HHLA1: variants seen among roughly 807,000 people sequenced by gnomAD.
HHLA1 encodes HERV-H LTR-associating protein 1.
HHLA1 carries 72 observed loss-of-function variants against 69.9 expected under a neutral mutation model. That is an observed-to-expected ratio of 1.03 (90% CI 0.85 to 1.25). The LOEUF (loss-of-function observed/expected upper bound fraction) is 1.25. Ranked by LOEUF, HHLA1 falls within the 50% of genes most tolerant of loss-of-function variation. The pLI, the probability that HHLA1 is intolerant of heterozygous loss-of-function variation, is 0.00. For synonymous variants in HHLA1, 252 were observed against 233.2 expected (o/e 1.08, Z -0.73); for missense variants, 685 against 642.2 (o/e 1.07, Z -0.72).
At position 132,097,184 on chromosome 8, in the gene HHLA1, C is replaced by T. The variant is rs569106038; in HGVS notation, c.281-1398G>A. ...CTCCTTAGAAGAATGGGGTATACAC[C>T]AAAATGTGAATACTCCAGTACTCAG... On this transcript the variant is annotated intron_variant, in intron 5 of 16. Transcript: ENST00000414222. 2.0e-5 allele frequency among the ~76,000 whole-genome samples: 3 copies of T among 152,190 alleles called. No individual in the cohort carries two copies. The South Asian group carries it at 6.2e-4, about 32-fold the overall frequency.
intron 1 of HHLA1, among the ~76,000 whole-genome samples, chr8:132,106,273 C>T (rs935679188): frequency 6.6e-6 from 1 of 152,210 alleles, no homozygotes; most frequent in African/African-American, 2.4e-5. Context: ...AGGGAACATC[C>T]TCAGGGCAAA....
At chr8:132,090,436 T>C (rs747089944) in intron 7 of HHLA1, among the ~76,000 whole-genome samples, 6 of 152,244 alleles carry the variant, frequency 3.9e-5, no homozygotes, top group Non-Finnish European at 8.8e-5. Context: ...GTGGATGATT[T>C]CCCATCATGC....
At chr8:132,074,610 T>C (rs1416685348) in intron 14 of HHLA1, among the ~76,000 whole-genome samples, 1 of 152,188 alleles carries the variant, frequency 6.6e-6, no homozygotes, top group African/African-American at 2.4e-5. Context: ...TGATTTTTTT[T>C]TTGGATGAGC....
chr8:132,095,831 C>G (rs926748506), intron 5 of HHLA1, 45 bp from the exon 6 acceptor site: 5 of 1,203,362 alleles, frequency 4.2e-6, no homozygotes. Flanking sequence ...TGCCTACTAA[C>G]GTAACAATAA....
intron 4 of HHLA1, among the ~76,000 whole-genome samples, 181 bp from the exon 5 acceptor site, chr8:132,099,143 C>G (rs1014019768): frequency 2.6e-5 from 4 of 152,172 alleles, no homozygotes; most frequent in African/African-American, 9.7e-5. Context: ...CAGGAGGTAA[C>G]AGTCAACAAA....
intron 14 of HHLA1, 34 bp from the exon 15 acceptor site, chr8:132,071,527 T>G (rs536781039): frequency 1.3e-6 from 2 of 1,546,814 alleles, no homozygotes; most frequent in Admixed American, 3.9e-5. Context: ...ATTAAATCAG[T>G]AAGAGTTTAG....
intron 1 of HHLA1, among the ~76,000 whole-genome samples, chr8:132,109,756 T>G (rs564164792): frequency 1.3e-5 from 2 of 152,244 alleles, no homozygotes; most frequent in East Asian, 3.9e-4. Context: ...CAGTGTTCTG[T>G]TTTACTCACC....
chr8:132,104,750 G>A (rs537944245), intron 2 of HHLA1, among the ~76,000 whole-genome samples: 2 of 152,242 alleles, frequency 1.3e-5, no homozygotes, highest in Non-Finnish European at 2.9e-5. Flanking sequence ...AGCCTGAAAA[G>A]GACCTGGTAC....
At chr8:132,101,268 C>G (rs1337823891) in intron 3 of HHLA1, 1 of 1,549,932 alleles carries the variant, frequency 6.5e-7, no homozygotes, top group East Asian at 2.4e-5. Flanking sequence ...TCTTTATTTC[C>G]AGACACTGAA....
At chr8:132,072,641 G>A (rs1823566352) in intron 14 of HHLA1, among the ~76,000 whole-genome samples, 1 of 151,938 alleles carries the variant, frequency 6.6e-6, no homozygotes, top group South Asian at 2.1e-4. Flanking sequence ...TCTAAAACCT[G>A]GAAATAAACA....
Position 132,079,957 on chromosome 8 carries a change from G to T in HHLA1, c.686C>A (p.Thr229Asn). The T allele has an allele frequency of 6.4e-7, 1 of 1,552,310 alleles. No homozygotes were observed. Among genetic ancestry groups the T allele is most frequent in the Non-Finnish European group, 8.7e-7 (1 of 1,147,112 alleles). ...CTTTGAAGTCCTGGCAGTTCCCCTG[G>T]TAGCTGCACCTTCAGGGAGGCAGTC... ...SGLSGVLGAA[T>N]RGTARTSKPT... is the part of the protein sequence containing the mutation. Residue 229 changes from threonine to asparagine, a missense_variant, in exon 11 of 17, where the codon ACC (threonine) becomes AAC (asparagine). By Grantham distance (65) the Thr-to-Asn change is moderately conservative. Transcript: ENST00000414222.
At position 132,077,791 on chromosome 8, in the gene HHLA1, A is replaced by G. The variant is rs1045649481; in HGVS notation, c.1106T>C (p.Leu369Pro). Reference protein sequence around the residue: ...GTEEAMNTTSLLAPAAEIMAT... With the variant: ...GTEEAMNTTSPLAPAAEIMAT... ...CATTATCTCAGCAGCAGGCGCCAAAAGGCTTGTAGTGTTCATGGCTTCCTC... is the reference window on the plus strand; with the variant it reads ...CATTATCTCAGCAGCAGGCGCCAAAGGGCTTGTAGTGTTCATGGCTTCCTC... Residue 369 changes from leucine to proline, a missense_variant, in exon 12 of 17, where the codon CTT (leucine) becomes CCT (proline). Transcript: ENST00000414222. 3.7e-5 allele frequency: 58 copies of G among 1,551,522 alleles called. No homozygotes were observed. The highest frequency in any genetic ancestry group is 4.7e-5 in the Non-Finnish European group (54 of 1,146,984).
chr8:132,088,655 A>G (rs1225465574), intron 8 of HHLA1, among the ~76,000 whole-genome samples: 2 of 152,176 alleles, frequency 1.3e-5, no homozygotes, highest in Admixed American at 1.3e-4. Flanking sequence ...AGTAATCATT[A>G]TTGTTATTAT....
Position 132,076,528 on chromosome 8 carries a change from C to T in HHLA1, c.1187G>A (p.Gly396Asp), listed in dbSNP as rs867907614. 4 of 1,507,988 alleles carry T rather than the reference C, an allele frequency of 2.7e-6. No individual in the cohort carries two copies. In the African/African-American group the frequency reaches 5.6e-5, roughly 21 times the overall value. The allele number at this position is 1,507,988 out of a possible 1,614,324, so 93.4% of individuals were successfully genotyped here. A position where few individuals can be genotyped will look rare whatever the true frequency, so the allele number is the denominator to read the frequency against. Residue 396 changes from glycine to aspartate, a missense_variant, in exon 13 of 17, where the codon GGC becomes GAC. Gly to Asp is a moderately conservative substitution (Grantham distance 94). Coordinates refer to ENST00000414222, the MANE Select transcript of HHLA1 (RefSeq NM_001145095.3). ...ASPTLGAFTH[G>D]TQTPSPTKAT... ...CTTGGTTGGACTCGGAGTCTGTGTG[C>T]CATGGGTGAATGCTCCTGGGAGGAG...
At chr8:132,097,374 G>T (rs1011543568) in intron 5 of HHLA1, among the ~76,000 whole-genome samples, 1 of 152,076 alleles carries the variant, frequency 6.6e-6, no homozygotes, top group African/African-American at 2.4e-5. Context: ...GGAAACTTTG[G>T]GCTAGATCAC....
chr8:132,104,663 C>G (rs547384848), intron 2 of HHLA1, among the ~76,000 whole-genome samples: 1 of 152,116 alleles, frequency 6.6e-6, no homozygotes, highest in South Asian at 2.1e-4. Flanking sequence ...AGAAGGCCAA[C>G]AGTGATGGGG....
Position 132,076,551 on chromosome 8 carries a change from G to T in HHLA1, c.1172-8C>A. Reference sequence around the variant, plus strand: ...TGCCATGGGTGAATGCTCCTGGGAGGAGATGAGAGAGAGGTGAGCCTGCAT... The same window carrying T: ...TGCCATGGGTGAATGCTCCTGGGAGTAGATGAGAGAGAGGTGAGCCTGCAT... On this transcript the variant is annotated splice_polypyrimidine_tract_variant and splice_region_variant and intron_variant, in intron 12 of 16. Transcript: ENST00000414222. 1 of 1,509,580 alleles carries T rather than the reference G, an allele frequency of 6.6e-7. No homozygotes were observed. The highest frequency in any genetic ancestry group is 1.3e-5 in the South Asian group (1 of 75,934). 93.5% of individuals were successfully genotyped at this position (1,509,580 alleles called of 1,614,324 possible). A position where few individuals can be genotyped will look rare whatever the true frequency, so the allele number is the denominator to read the frequency against.
chr8:132,081,739 G>C (rs894121766), intron 10 of HHLA1, among the ~76,000 whole-genome samples: 2 of 152,208 alleles, frequency 1.3e-5, no homozygotes, highest in Admixed American at 6.5e-5. Context: ...GTTGAGTAAA[G>C]CTAATTTGCC....
intron 10 of HHLA1, among the ~76,000 whole-genome samples, chr8:132,086,484 A>G (rs1823866001): frequency 6.6e-6 from 1 of 152,232 alleles, no homozygotes; most frequent in Admixed American, 6.5e-5. Flanking sequence ...ACATCCAGCC[A>G]AACTATCACT....
Sources: allele counts gnomAD v4.1 joint callset (sites outside exome capture counted in the v4.1 genomes callset), GRCh38; gene constraint gnomAD v4.1.1; transcripts MANE v1.5; gene names NCBI Gene and HGNC (gene_info 2026-07-23, HGNC 2026-07-21).